CTNNA2: variants seen among roughly 807,000 people sequenced by gnomAD.
CTNNA2 encodes catenin alpha-2.
CTNNA2 carries 42 observed loss-of-function variants against 101.0 expected under a neutral mutation model. The ratio of observed to expected loss-of-function variants is 0.42; its 90% CI spans 0.32 to 0.54. CTNNA2 has a LOEUF of 0.54. CTNNA2 is among the 20% of genes least tolerant of loss of function. The probability of loss-of-function intolerance (pLI) is 0.14; values close to 1 mark genes in which losing one functional copy is unlikely to be tolerated. For synonymous variants in CTNNA2, 450 were observed against 456.4 expected, an observed-to-expected ratio of 0.99 and a Z score of 0.18; for missense variants, 871 against 1,223.1, an observed-to-expected ratio of 0.71 and a Z score of 4.29.
At chr2:80,412,375 T>G (rs1398436497) in intron 8 of CTNNA2, among the ~76,000 whole-genome samples, 54 of 152,226 alleles carry the variant, frequency 3.5e-4, no homozygotes, top group Non-Finnish European at 1.5e-5. Flanking sequence ...AAGCATTTGT[T>G]TAATCTATAC....
intron 4 of CTNNA2, among the ~76,000 whole-genome samples, chr2:79,421,152 G>C (rs1678535926): frequency 6.6e-6 from 1 of 152,152 alleles, no homozygotes; most frequent in African/African-American, 2.4e-5. Flanking sequence ...TTGTGTATGA[G>C]AGTGTGAGCC....
rs184255276 is a variant in CTNNA2, at chr2:80,558,383, G to A, written c.1741+2490G>A. 1.5e-3 allele frequency among the ~76,000 whole-genome samples: 233 copies of A among 152,186 alleles called. 1 individual carries two copies. The highest frequency in any genetic ancestry group is 3.6e-3 in the Admixed American group (55 of 15,270). On this transcript the variant is annotated intron_variant, in intron 12 of 18. Transcript: ENST00000402739. ...GAATGTGCTTGCATAAAGTAGACAC[G>A]TGGAGTTTGAGGATGACCACAGGAT... is the stretch of plus-strand genomic sequence containing the variant.
At chr2:79,663,746 A>G (rs746092363) in intron 2 of CTNNA2, among the ~76,000 whole-genome samples, 22 of 151,990 alleles carry the variant, frequency 1.4e-4, no homozygotes, top group Non-Finnish European at 2.5e-4. Context: ...GTGTGTGTGA[A>G]TTTTCTCTGA....
chr2:79,532,115 A>G lies in CTNNA2; in HGVS notation c.-6+18908A>G, dbSNP rs907834418. 4.6e-5 allele frequency among the ~76,000 whole-genome samples: 7 copies of G among 152,286 alleles called. No homozygotes were observed. In the South Asian group the frequency reaches 1.4e-3, roughly 32 times the overall value. On this transcript the variant is annotated intron_variant, in intron 1 of 18. Transcript: ENST00000402739. Reference sequence around the variant, plus strand: ...CCAGTCTCAAGAATTCTACCATTATATTATGGTATGCTTGAAGATGCTGAA... The same window carrying G: ...CCAGTCTCAAGAATTCTACCATTATGTTATGGTATGCTTGAAGATGCTGAA...
chr2:79,699,252 G>A (rs1684835210), intron 2 of CTNNA2, among the ~76,000 whole-genome samples: 1 of 152,040 alleles, frequency 6.6e-6, no homozygotes, highest in Admixed American at 6.6e-5. Context: ...ATGAGCAACA[G>A]CAAGGCTCTG....
intron 17 of CTNNA2, among the ~76,000 whole-genome samples, chr2:80,613,831 A>C (rs1398399894): frequency 5.3e-5 from 8 of 151,486 alleles, no homozygotes; most frequent in Admixed American, 5.3e-4. Flanking sequence ...AATTCGATCT[A>C]CTACTCTGTG....
intron 2 of CTNNA2, among the ~76,000 whole-genome samples, chr2:79,663,210 C>G (rs554033539): frequency 1.3e-5 from 2 of 152,270 alleles, no homozygotes; most frequent in East Asian, 3.9e-4. Flanking sequence ...CCTCTCTCAT[C>G]ATGATCAGTA....
chr2:80,144,216 A>G (rs1164754819), intron 7 of CTNNA2, among the ~76,000 whole-genome samples: 2 of 152,156 alleles, frequency 1.3e-5, no homozygotes, highest in Non-Finnish European at 2.9e-5. Context: ...TCCTATCCAC[A>G]TAGAAAATGA....
intron 7 of CTNNA2, among the ~76,000 whole-genome samples, chr2:80,269,440 T>G (rs1168810135): frequency 6.6e-6 from 1 of 152,212 alleles, no homozygotes; most frequent in African/African-American, 2.4e-5. Context: ...CAATTAAACC[T>G]CTTTTCTTTG....
At chr2:80,334,256 A>G (rs1242309343) in intron 7 of CTNNA2, among the ~76,000 whole-genome samples, 1 of 152,160 alleles carries the variant, frequency 6.6e-6, no homozygotes, top group South Asian at 2.1e-4. Flanking sequence ...TAAAATTCAC[A>G]TATAATCATG....
At chr2:80,551,175 C>T (rs1397056242) in intron 11 of CTNNA2, among the ~76,000 whole-genome samples, 1 of 152,150 alleles carries the variant, frequency 6.6e-6, no homozygotes, top group African/African-American at 2.4e-5. Context: ...TATTTTTATT[C>T]TGAACAGTAG....
chr2:79,242,969 AATATAT>A (rs137898899), intron 2 of CTNNA2, among the ~76,000 whole-genome samples: 84 of 127,312 alleles, frequency 6.6e-4, no homozygotes, highest in African/African-American at 1.4e-3. Context: ...CCTGTCTCGA[AATATAT>A]ATATATATAT....
Position 79,253,192 on chromosome 2 carries a change from AC to A in CTNNA2, c.-406+55119del, listed in dbSNP as rs1399000906. On this transcript the variant is annotated intron_variant, in intron 2 of 21. Coordinates refer to the CTNNA2 transcript ENST00000466387. ...CCTGATATATGCTCTAATTCCATATACCCATAAATAGAAGACAGGGAGATGG... is the reference window on the plus strand; with the variant it reads ...CCTGATATATGCTCTAATTCCATATACCATAAATAGAAGACAGGGAGATGG... Among the ~76,000 whole-genome samples the A allele has an allele frequency of 2.6e-5, 4 of 152,258 alleles. No homozygotes were observed. The East Asian group carries it at 7.7e-4, about 29-fold the overall frequency.
intron 12 of CTNNA2, among the ~76,000 whole-genome samples, chr2:80,556,553 G>A (rs1424570788): frequency 6.6e-6 from 1 of 152,118 alleles, no homozygotes; most frequent in Non-Finnish European, 1.5e-5. Flanking sequence ...GTTACTTATG[G>A]GAGCTTGTCA....
At chr2:80,036,438 T>A (rs977041049) in intron 7 of CTNNA2, among the ~76,000 whole-genome samples, 2 of 151,588 alleles carry the variant, frequency 1.3e-5, no homozygotes, top group Non-Finnish European at 2.9e-5. Flanking sequence ...ACAGAAGAAG[T>A]AAATAAGTAA....
At chr2:79,818,474 G>A (rs569888994) in intron 3 of CTNNA2, among the ~76,000 whole-genome samples, 13 of 151,194 alleles carry the variant, frequency 8.6e-5, no homozygotes, top group Non-Finnish European at 8.9e-5. Flanking sequence ...CACCATGCCC[G>A]GCTTATTTTT....
At chr2:80,085,308 C>T (rs1354187152) in intron 7 of CTNNA2, among the ~76,000 whole-genome samples, 1 of 152,008 alleles carries the variant, frequency 6.6e-6, no homozygotes, top group East Asian at 1.9e-4. Context: ...CACTTGTCCC[C>T]CAGAGCTTCC....
chr2:79,231,719 C>G (rs1430090979), intron 2 of CTNNA2, among the ~76,000 whole-genome samples: 3 of 152,062 alleles, frequency 2.0e-5, no homozygotes, highest in African/African-American at 7.2e-5. Flanking sequence ...TTATTTATGT[C>G]ATCTCTGGTT....
chr2:79,289,212 C>T (rs1675718733), intron 2 of CTNNA2, among the ~76,000 whole-genome samples: 1 of 152,178 alleles, frequency 6.6e-6, no homozygotes, highest in South Asian at 2.1e-4. Context: ...CTCAGTCTCA[C>T]ACAGCTGAGG....
Sources: gnomAD v4.1 joint callset for allele counts (sites outside exome capture counted in the v4.1 genomes callset) on GRCh38, gnomAD v4.1.1 for gene constraint, MANE v1.5 for transcripts, NCBI Gene and HGNC (gene_info 2026-07-23, HGNC 2026-07-21) for gene names.